MEIS2: variants seen among roughly 807,000 people sequenced by gnomAD.
The protein encoded by MEIS2 is Meis homeobox 2.
In MEIS2, 9 loss-of-function variants were observed where a neutral mutation model predicts 58.6. The observed-to-expected ratio is 0.15, with a 90% CI of 0.09 to 0.27. The LOEUF is 0.27. MEIS2 is among the 10% of genes least tolerant of loss of function. The pLI is 1.00. For missense variants in MEIS2, 427 were observed against 635.0 expected (o/e 0.67, Z 3.52); for synonymous variants, 221 against 228.4 (o/e 0.97, Z 0.29).
intron 8 of MEIS2, among the ~76,000 whole-genome samples, chr15:37,008,021 A>G (rs1288621995): frequency 2.6e-5 from 4 of 152,262 alleles, no homozygotes; most frequent in Non-Finnish European, 4.4e-5. Context: ...ATACCTTTTT[A>G]AAAATGTTAA....
chr15:37,098,841 G>A, intron 1 of MEIS2: 1 of 874,628 alleles, frequency 1.1e-6, no homozygotes, highest in Non-Finnish European at 1.4e-6. Flanking sequence ...AAAGACTAGG[G>A]CCAGTGCCTC....
intron 9 of MEIS2, among the ~76,000 whole-genome samples, chr15:36,913,502 C>T (rs566753331): frequency 1.3e-5 from 2 of 152,192 alleles, no homozygotes; most frequent in African/African-American, 2.4e-5. Flanking sequence ...AAAGCTTTTA[C>T]ATCACCTACT....
intron 9 of MEIS2, among the ~76,000 whole-genome samples, chr15:36,948,660 T>C (rs992515032): frequency 6.6e-6 from 1 of 152,032 alleles, no homozygotes; most frequent in African/African-American, 2.4e-5. Flanking sequence ...ATCAGTATGC[T>C]ATAAAAGAAT....
At chr15:36,996,048 TATATATATAC>T (rs1567160413) in intron 8 of MEIS2, among the ~76,000 whole-genome samples, 7,769 of 104,766 alleles carry the variant, frequency 0.074, 384 homozygotes, top group South Asian at 0.11. Context: ...CACACACACA[TATATATATAC>T]ACACACATAT....
chr15:36,967,520 C>T (rs2059395506), intron 8 of MEIS2, among the ~76,000 whole-genome samples: 1 of 152,144 alleles, frequency 6.6e-6, no homozygotes, highest in African/African-American at 2.4e-5. Flanking sequence ...CCAGCAGTCA[C>T]CACCTAGCAA....
intron 8 of MEIS2, among the ~76,000 whole-genome samples, chr15:36,973,616 G>A (rs2059642651): frequency 6.6e-6 from 1 of 152,068 alleles, no homozygotes; most frequent in African/African-American, 2.4e-5. Flanking sequence ...GAATTGCCAT[G>A]GTAAAATACA....
intron 9 of MEIS2, among the ~76,000 whole-genome samples, chr15:36,926,574 C>A (rs1029401820): frequency 2.0e-5 from 3 of 152,130 alleles, no homozygotes; most frequent in African/African-American, 4.8e-5. Flanking sequence ...CCCATCCAGA[C>A]CTGAAGATTT....
chr15:37,029,071 A>G (rs1332487811), intron 8 of MEIS2, among the ~76,000 whole-genome samples: 1 of 152,222 alleles, frequency 6.6e-6, no homozygotes, highest in Non-Finnish European at 1.5e-5. Flanking sequence ...TTAAACAGAG[A>G]TGACACCAGT....
chr15:37,078,269 T>G (rs748043328), intron 7 of MEIS2, among the ~76,000 whole-genome samples: 3 of 151,920 alleles, frequency 2.0e-5, no homozygotes, highest in Non-Finnish European at 4.4e-5. Flanking sequence ...AGAGTAACAC[T>G]GGCCGTGAGT....
intron 9 of MEIS2, among the ~76,000 whole-genome samples, chr15:36,912,176 C>CA (rs61318458): frequency 0.89 from 135,304 of 152,162 alleles, 60,432 homozygotes; most frequent in Non-Finnish European, 0.94. Flanking sequence ...GGAGGAATGC[C>CA]AAAAACAAAT....
At chr15:36,952,478 T>C (rs1378728372) in intron 8 of MEIS2, among the ~76,000 whole-genome samples, 1 of 152,118 alleles carries the variant, frequency 6.6e-6, no homozygotes, top group East Asian at 1.9e-4. Context: ...CAGTGTGCTG[T>C]TTCTTTATGC....
At chr15:37,101,102 T>TTTTTATTA (rs1895067914), upstream of MEIS2, 1 of 151,768 alleles carries the variant, frequency 6.6e-6, no homozygotes, top group Non-Finnish European at 1.5e-5. Context: ...TTTTATTAAG[T>TTTTTATTA]GGCACTTTCT....
At position 37,057,333 on chromosome 15, in the gene MEIS2, C is replaced by T. The variant is rs192433726; in HGVS notation, c.755-20374G>A. Among the ~76,000 whole-genome samples the T allele has an allele frequency of 3.3e-5, 5 of 152,300 alleles. No individual in the cohort carries two copies. In the East Asian group the frequency reaches 5.8e-4, roughly 18 times the overall value. ...CCACCTGCCTCCTCAGAGTGCTGAT[C>T]CAATGAACAGAACAGTTTTTTTCTC... On this transcript the variant is annotated intron_variant, in intron 7 of 11. Coordinates refer to ENST00000561208, the MANE Select transcript of MEIS2 (RefSeq NM_170675.5).
intron 7 of MEIS2, among the ~76,000 whole-genome samples, chr15:37,047,060 C>T (rs934036608): frequency 2.6e-5 from 4 of 152,122 alleles, no homozygotes; most frequent in African/African-American, 7.2e-5. Flanking sequence ...GTACTTGTTA[C>T]TCAGTTACCT....
At chr15:36,910,155 G>A (rs1306374555) in intron 9 of MEIS2, among the ~76,000 whole-genome samples, 2 of 152,072 alleles carry the variant, frequency 1.3e-5, no homozygotes, top group Non-Finnish European at 2.9e-5. Context: ...GCAGTGAGCC[G>A]AGATGGTGCC....
At chr15:37,070,050 A>G (rs912887049) in intron 7 of MEIS2, among the ~76,000 whole-genome samples, 2 of 152,174 alleles carry the variant, frequency 1.3e-5, no homozygotes, top group Non-Finnish European at 2.9e-5. Flanking sequence ...AATTCATGTC[A>G]AGAGTAAAAG....
At chr15:37,059,487 C>T (rs554236975) in intron 7 of MEIS2, among the ~76,000 whole-genome samples, 30 of 152,266 alleles carry the variant, frequency 2.0e-4, no homozygotes, top group African/African-American at 6.7e-4. Context: ...AATTTCTGTA[C>T]AGCTAAGCAT....
intron 7 of MEIS2, among the ~76,000 whole-genome samples, chr15:37,079,951 G>A (rs1008320463): frequency 3.9e-5 from 6 of 152,058 alleles, no homozygotes; most frequent in South Asian, 4.1e-4. Context: ...CAACTGTCTC[G>A]GTATTTCTGG....
At chr15:37,066,410 A>C (rs1350415709) in intron 7 of MEIS2, 1 of 152,320 alleles carries the variant, frequency 6.6e-6, no homozygotes, top group Admixed American at 6.5e-5. Context: ...AAAGGTAAAG[A>C]ACAAGAAAAT....
Sources: gnomAD v4.1 joint callset for allele counts (sites outside exome capture counted in the v4.1 genomes callset) on GRCh38, gnomAD v4.1.1 for gene constraint, MANE v1.5 for transcripts, NCBI Gene and HGNC (gene_info 2026-07-23, HGNC 2026-07-21) for gene names.